MORC1: variants seen among roughly 807,000 people sequenced by gnomAD.
MORC1 encodes the protein MORC family CW-type zinc finger protein 1.
In MORC1, 59 loss-of-function variants were observed where a neutral mutation model predicts 134.9. That is an observed-to-expected ratio of 0.44 (90% CI 0.35 to 0.54). The LOEUF is 0.54. Ranked by LOEUF, MORC1 falls within the 20% of genes least tolerant of loss-of-function variation. MORC1 has a pLI of 0.00. For missense variants in MORC1, 947 were observed against 1,134.5 expected (o/e 0.83, Z 2.37); for synonymous variants, 395 against 391.7 (o/e 1.01, Z -0.10).
chr3:109,027,564 A>AAT (rs1553751374), intron 17 of MORC1, among the ~76,000 whole-genome samples, 187 bp downstream of exon 17: 14 of 147,782 alleles, frequency 9.5e-5, no homozygotes, highest in Admixed American at 6.1e-4. Context: ...CATATACAGT[A>AAT]TTTTTTTTTT....
At chr3:109,025,234 A>G (rs933455020) in intron 17 of MORC1, among the ~76,000 whole-genome samples, 2 of 152,148 alleles carry the variant, frequency 1.3e-5, no homozygotes, top group Admixed American at 6.5e-5. Context: ...GAAAGAACAA[A>G]TCAGTGTTCA....
intron 21 of MORC1, among the ~76,000 whole-genome samples, chr3:108,987,311 A>G (rs1007536354): frequency 2.0e-5 from 3 of 152,230 alleles, no homozygotes; most frequent in Admixed American, 6.5e-5. Flanking sequence ...TTGAGCCTCT[A>G]TCGTTTTGAG....
intron 2 of MORC1, among the ~76,000 whole-genome samples, chr3:109,111,456 C>A (rs1213386968): frequency 6.6e-6 from 1 of 152,108 alleles, no homozygotes; most frequent in Admixed American, 6.5e-5. Context: ...ATGCTGACTC[C>A]TCTTCTAGGT....
At chr3:109,032,453 G>A (rs1016446261) in intron 16 of MORC1, among the ~76,000 whole-genome samples, 4 of 152,154 alleles carry the variant, frequency 2.6e-5, no homozygotes, top group Non-Finnish European at 5.9e-5. Context: ...GAACTCTTAA[G>A]TACCAGGTTG....
intron 17 of MORC1, among the ~76,000 whole-genome samples, chr3:109,017,793 A>C (rs1249182909): frequency 6.6e-6 from 1 of 152,198 alleles, no homozygotes; most frequent in South Asian, 2.1e-4. Flanking sequence ...TTCAAAGAAG[A>C]ATCATTACCC....
chr3:109,005,539 T>C (rs994440783), intron 18 of MORC1, among the ~76,000 whole-genome samples: 3 of 152,206 alleles, frequency 2.0e-5, no homozygotes, highest in Non-Finnish European at 4.4e-5. Context: ...AGAAATCTGA[T>C]TTTGAGGAAT....
intron 14 of MORC1, among the ~76,000 whole-genome samples, chr3:109,039,554 C>CTA (rs1372009106): frequency 6.6e-6 from 1 of 152,146 alleles, no homozygotes; most frequent in Non-Finnish European, 1.5e-5. Flanking sequence ...ACTCTGGAGT[C>CTA]TACTGAAGGC....
chr3:109,085,184 GTGTC>G (rs1341752866), intron 8 of MORC1, among the ~76,000 whole-genome samples: 2 of 151,646 alleles, frequency 1.3e-5, no homozygotes, highest in South Asian at 2.1e-4. Context: ...CTGTGTGTGT[GTGTC>G]TGTCTGTGTA....
At chr3:109,038,030 A>G (rs1456032583) in intron 14 of MORC1, among the ~76,000 whole-genome samples, 3 of 152,192 alleles carry the variant, frequency 2.0e-5, no homozygotes, top group African/African-American at 7.2e-5. Flanking sequence ...TGTCTTCCAC[A>G]ATGGTTGAAC....
chr3:109,089,907 C>T (rs1322927584), intron 8 of MORC1, among the ~76,000 whole-genome samples: 9 of 152,004 alleles, frequency 5.9e-5, no homozygotes, highest in South Asian at 4.1e-4. Context: ...CCTAAGTTTA[C>T]GGCGACATAT....
chr3:109,000,655 C>G lies in MORC1; in HGVS notation c.2089G>C (p.Ala697Pro). 2 of 1,606,390 alleles carry G rather than the reference C, an allele frequency of 1.2e-6. No homozygotes were observed. The highest frequency in any genetic ancestry group is 2.2e-5 in the East Asian group (1 of 44,766). The change falls in exon 21 of 28, where the codon GCT becomes CCT. Residue 697 changes from alanine (A) to proline (P), a missense_variant. Physicochemically the swap from Ala to Pro is conservative, Grantham distance 27. Coordinates refer to ENST00000232603, the MANE Select transcript of MORC1 (RefSeq NM_014429.4). Reference sequence around the variant, plus strand: ...TGCTTCCTTTTCATTTCCCAAGAAGCGGCCTATAACAAGGAATTAACAAAA... The same window carrying G: ...TGCTTCCTTTTCATTTCCCAAGAAGGGGCCTATAACAAGGAATTAACAAAA... The part of the protein sequence containing the change: ...TEGCLKNAQA[A>P]SWEMKRKQSL...
chr3:109,009,299 G>A (rs908435389), intron 17 of MORC1, among the ~76,000 whole-genome samples: 12 of 150,044 alleles, frequency 8.0e-5, no homozygotes, highest in African/African-American at 3.0e-4. Context: ...TCCACCTCCT[G>A]GGTTCGAGTG....
chr3:109,060,012 A>T (rs924598083), intron 11 of MORC1, 142 bp from the exon 12 acceptor site: 10 of 649,772 alleles, frequency 1.5e-5, no homozygotes, highest in African/African-American at 1.5e-4. Context: ...TAGATTCTCA[A>T]TACTTGATAA....
intron 16 of MORC1, among the ~76,000 whole-genome samples, chr3:109,028,637 G>C (rs550680829): frequency 3.9e-5 from 6 of 152,286 alleles, no homozygotes; most frequent in Admixed American, 2.6e-4. Context: ...AACCCTCAAA[G>C]CATATGGTTT....
At chr3:109,107,978 C>T (rs1335737324) in intron 3 of MORC1, among the ~76,000 whole-genome samples, 1 of 152,118 alleles carries the variant, frequency 6.6e-6, no homozygotes, top group Admixed American at 6.5e-5. Flanking sequence ...GAGGGAATCA[C>T]TTGAGGTCAG....
intron 26 of MORC1, among the ~76,000 whole-genome samples, chr3:108,965,736 C>T (rs570964432): frequency 7.9e-5 from 12 of 152,058 alleles, no homozygotes; most frequent in Non-Finnish European, 1.3e-4. Flanking sequence ...CTGGGGAAAC[C>T]GGGTGATGAG....
At position 109,020,270 on chromosome 3, in the gene MORC1, G is replaced by T. The variant is rs551801166; in HGVS notation, c.1704+7481C>A. Among the ~76,000 whole-genome samples the T allele has an allele frequency of 3.2e-3, 485 of 152,270 alleles. 1 individual carries two copies. The highest frequency in any genetic ancestry group is 5.1e-3 in the Non-Finnish European group (349 of 68,032). On this transcript the variant is annotated intron_variant, in intron 17 of 27. Coordinates refer to ENST00000232603, the MANE Select transcript of MORC1 (RefSeq NM_014429.4). Reference sequence around the variant, plus strand: ...TGGTCTTGGCTTGTGCCTACAAGGGGGGTCCCGCCAAGTGGAGGAAAAGTT... The same window carrying T: ...TGGTCTTGGCTTGTGCCTACAAGGGTGGTCCCGCCAAGTGGAGGAAAAGTT...
At chr3:109,064,373 G>A (rs1249847547) in intron 9 of MORC1, among the ~76,000 whole-genome samples, 8 of 151,874 alleles carry the variant, frequency 5.3e-5, no homozygotes, top group South Asian at 2.1e-4. Context: ...TCTCCATCAA[G>A]AGAAATAAAA....
chr3:109,088,477 A>C (rs971420433), intron 8 of MORC1, among the ~76,000 whole-genome samples: 2 of 152,166 alleles, frequency 1.3e-5, no homozygotes, highest in African/African-American at 4.8e-5. Context: ...AAAAACCTCA[A>C]TATCACTGAT....
Sources: gnomAD v4.1 joint callset for allele counts (sites outside exome capture counted in the v4.1 genomes callset) on GRCh38, gnomAD v4.1.1 for gene constraint, MANE v1.5 for transcripts, NCBI Gene and HGNC (gene_info 2026-07-23, HGNC 2026-07-21) for gene names.